Variants in RPH3A observed in about 807,000 individuals in gnomAD.
RPH3A encodes rabphilin 3A, also known as rabphilin-3A.
Under a neutral mutation model 102.2 loss-of-function variants are expected in RPH3A, and 48 were observed. The ratio of observed to expected loss-of-function variants is 0.47; its 90% CI spans 0.37 to 0.60. The LOEUF (loss-of-function observed/expected upper bound fraction) is 0.60, where lower values mean the gene tolerates loss of function less well. RPH3A is among the 20% of genes least tolerant of loss of function. The pLI is 0.00. For synonymous variants in RPH3A, 310 were observed against 324.3 expected (o/e 0.96, Z 0.47); for missense variants, 781 against 910.1 (o/e 0.86, Z 1.83).
chr12:112,651,369 CA>C (rs2039973985), intron 1 of RPH3A, among the ~76,000 whole-genome samples: 1 of 140,860 alleles, frequency 7.1e-6, no homozygotes, highest in Non-Finnish European at 1.6e-5. Flanking sequence ...ACCTCGTTAC[CA>C]AAAAAACCCC....
intron 2 of RPH3A, among the ~76,000 whole-genome samples, chr12:112,816,693 A>ATAT (rs10626494): frequency 0.084 from 12,697 of 151,772 alleles, 1,217 homozygotes; most frequent in African/African-American, 0.22. Context: ...CTTGAGAATT[A>ATAT]TATTATTATT....
At chr12:112,836,692 A>T (rs1029250600) in intron 4 of RPH3A, among the ~76,000 whole-genome samples, 190 bp downstream of exon 4, 2 of 151,488 alleles carry the variant, frequency 1.3e-5, no homozygotes, top group African/African-American at 4.9e-5. Context: ...TATAAAATTA[A>T]AAAAAAAACT....
At chr12:112,830,971 C>T (rs2041960912) in intron 3 of RPH3A, among the ~76,000 whole-genome samples, 1 of 152,066 alleles carries the variant, frequency 6.6e-6, no homozygotes, top group South Asian at 2.1e-4. Flanking sequence ...TATCAGCAAA[C>T]TCTTTCTGTA....
chr12:112,745,970 C>T (rs1384628642), intron 1 of RPH3A, among the ~76,000 whole-genome samples: 2 of 151,850 alleles, frequency 1.3e-5, no homozygotes, highest in Non-Finnish European at 2.9e-5. Flanking sequence ...TTATGAGCTT[C>T]CCCGAGGAAA....
At chr12:112,814,122 G>A (rs2136126279) in intron 2 of RPH3A, among the ~76,000 whole-genome samples, 1 of 151,768 alleles carries the variant, frequency 6.6e-6, no homozygotes, top group East Asian at 1.9e-4. Context: ...TGTGGGTGGG[G>A]ATGTGAGTGT....
chr12:112,588,686 C>A (rs1258105429), intron 1 of RPH3A, among the ~76,000 whole-genome samples: 1 of 152,216 alleles, frequency 6.6e-6, no homozygotes, highest in South Asian at 2.1e-4. Context: ...TCTCTCTCCA[C>A]TGCATTCTCA....
At chr12:112,787,982 C>T (rs1005844723), upstream of RPH3A, among the ~76,000 whole-genome samples, 1 of 152,210 alleles carries the variant, frequency 6.6e-6, no homozygotes, top group South Asian at 2.1e-4. Flanking sequence ...AATGAAGCCT[C>T]GAGAGAGTCA....
Position 112,776,886 on chromosome 12 carries a change from A to C in RPH3A, c.-139-15257A>C, listed in dbSNP as rs1281347523. Among the ~76,000 whole-genome samples, 25 of 138,128 alleles carry C rather than the reference A, an allele frequency of 1.8e-4. 2 individuals carry two copies. Among genetic ancestry groups the C allele is most frequent in the Non-Finnish European group, 2.5e-4 (16 of 64,000 alleles). The allele number at this position is 138,128 out of a possible 152,430, so 90.6% of individuals were successfully genotyped here. A position where few individuals can be genotyped will look rare whatever the true frequency, so the allele number is the denominator to read the frequency against. Reference sequence around the variant, plus strand: ...GAGACTCCATCTCAAAAAAAAAAAAAAAAAAAAAAAAAAAAAAAAAAAAAA... The same window carrying C: ...GAGACTCCATCTCAAAAAAAAAAAACAAAAAAAAAAAAAAAAAAAAAAAAA... On this transcript the variant is annotated intron_variant, in intron 1 of 21. Transcript: ENST00000543106.
intron 1 of RPH3A, among the ~76,000 whole-genome samples, chr12:112,688,185 A>G (rs2040281013): frequency 1.3e-5 from 2 of 152,212 alleles, no homozygotes; most frequent in Non-Finnish European, 2.9e-5. Flanking sequence ...TTCCACTTAC[A>G]GATAGGAAAT....
intron 1 of RPH3A, among the ~76,000 whole-genome samples, chr12:112,779,025 C>T (rs2040988505): frequency 6.6e-6 from 1 of 152,174 alleles, no homozygotes; most frequent in African/African-American, 2.4e-5. Flanking sequence ...GGAATGCATG[C>T]TTACCTGGCA....
intron 5 of RPH3A, among the ~76,000 whole-genome samples, chr12:112,856,262 C>G (rs758374453): frequency 1.3e-5 from 2 of 152,150 alleles, no homozygotes; most frequent in African/African-American, 4.8e-5. Flanking sequence ...TGCAGCAGTA[C>G]GGGAAAGGTC....
intron 5 of RPH3A, among the ~76,000 whole-genome samples, chr12:112,859,039 A>G (rs2042463849): frequency 6.6e-6 from 1 of 152,242 alleles, no homozygotes. Flanking sequence ...TACAGGGTTC[A>G]GCTAATTGGG....
At chr12:112,868,171 T>C in intron 7 of RPH3A, 1 of 433,448 alleles carries the variant, frequency 2.3e-6, no homozygotes. Flanking sequence ...GACCAGTCCT[T>C]AAGATTTTGG....
At chr12:112,827,097 C>T (rs2041890524) in intron 2 of RPH3A, among the ~76,000 whole-genome samples, 1 of 152,052 alleles carries the variant, frequency 6.6e-6, no homozygotes, top group Admixed American at 6.5e-5. Context: ...TAATATAATT[C>T]ACCCATTTAA....
At chr12:112,837,283 C>T (rs2042069176) in intron 4 of RPH3A, among the ~76,000 whole-genome samples, 1 of 152,044 alleles carries the variant, frequency 6.6e-6, no homozygotes, top group African/African-American at 2.4e-5. Flanking sequence ...CCTCCCTCCT[C>T]ACTGGCTGGT....
chr12:112,885,039 G>C (rs920785122), intron 16 of RPH3A, among the ~76,000 whole-genome samples: 2 of 152,150 alleles, frequency 1.3e-5, no homozygotes, highest in Admixed American at 1.3e-4. Flanking sequence ...GTTGTGTGTA[G>C]TTGTAGATCA....
intron 1 of RPH3A, among the ~76,000 whole-genome samples, chr12:112,621,938 G>C (rs1056417671): frequency 3.3e-5 from 5 of 150,382 alleles, no homozygotes; most frequent in African/African-American, 1.2e-4. Flanking sequence ...GCACCCCCCA[G>C]CAGGGGCACA....
chr12:112,600,391 A>C (rs569559028), intron 1 of RPH3A, among the ~76,000 whole-genome samples: 1 of 152,320 alleles, frequency 6.6e-6, no homozygotes, highest in South Asian at 2.1e-4. Context: ...GCCTGCCCTA[A>C]GTCCTTTTTC....
At chr12:112,704,850 C>T (rs114160135) in intron 1 of RPH3A, among the ~76,000 whole-genome samples, 233 of 152,264 alleles carry the variant, frequency 1.5e-3, no homozygotes, top group African/African-American at 4.9e-3. Context: ...ATAACCTACT[C>T]ATTATATGCA....
Sources: gnomAD v4.1 joint callset for allele counts (sites outside exome capture counted in the v4.1 genomes callset) on GRCh38, gnomAD v4.1.1 for gene constraint, MANE v1.5 for transcripts, NCBI Gene and HGNC (gene_info 2026-07-23, HGNC 2026-07-21) for gene names.